PDE7B: variants seen among roughly 807,000 people sequenced by gnomAD.
The protein encoded by PDE7B is 3',5'-cyclic-AMP phosphodiesterase 7B.
Under a neutral mutation model 56.2 loss-of-function variants are expected in PDE7B, and 29 were observed. The ratio of observed to expected loss-of-function variants is 0.52; its 90% CI spans 0.38 to 0.70. The LOEUF is 0.70. Ranked by LOEUF, PDE7B falls within the 30% of genes least tolerant of loss-of-function variation. PDE7B has a pLI of 0.00. For missense variants in PDE7B, 490 were observed against 565.0 expected (o/e 0.87, Z 1.35); for synonymous variants, 197 against 196.9 (o/e 1.00, Z 0.00).
intron 1 of PDE7B, among the ~76,000 whole-genome samples, chr6:135,925,469 T>G (rs536924771): frequency 6.6e-5 from 10 of 152,322 alleles, no homozygotes; most frequent in African/African-American, 2.2e-4. Context: ...AAACTGAGCT[T>G]CTTCTGTTTA....
chr6:136,154,402 A>T (rs1778572327), intron 7 of PDE7B, among the ~76,000 whole-genome samples: 1 of 139,196 alleles, frequency 7.2e-6, no homozygotes, highest in African/African-American at 2.9e-5. Flanking sequence ...TATATTTTTG[A>T]GGCTGTATTT....
intron 3 of PDE7B, among the ~76,000 whole-genome samples, chr6:136,146,757 G>A (rs1445340187): frequency 6.6e-6 from 1 of 152,134 alleles, no homozygotes; most frequent in Non-Finnish European, 1.5e-5. Context: ...AGAAGTGTGT[G>A]AATTTCACTT....
intron 12 of PDE7B, among the ~76,000 whole-genome samples, chr6:136,190,566 GA>G (rs1779206704): frequency 6.6e-6 from 1 of 152,076 alleles, no homozygotes. Flanking sequence ...ACACATCAAG[GA>G]AATACAACAA....
At chr6:135,978,338 A>G (rs1246271820) in intron 2 of PDE7B, among the ~76,000 whole-genome samples, 1 of 152,098 alleles carries the variant, frequency 6.6e-6, no homozygotes, top group East Asian at 1.9e-4. Flanking sequence ...CCGTAAATGG[A>G]GCTTGCAGGA....
rs569026329 is a variant in PDE7B, at chr6:136,079,945, C to T, written c.83-28786C>T. 5.3e-5 allele frequency among the ~76,000 whole-genome samples: 8 copies of T among 152,018 alleles called. No individual in the cohort carries two copies. In the South Asian group the frequency reaches 1.5e-3, roughly 28 times the overall value. On this transcript the variant is annotated intron_variant, in intron 2 of 12. Transcript: ENST00000308191. Reference sequence around the variant, plus strand: ...CTACGTCAGCCTGGGAAAATCACTCCAAATATCAGAAAATAAATAAAACAA... The same window carrying T: ...CTACGTCAGCCTGGGAAAATCACTCTAAATATCAGAAAATAAATAAAACAA...
intron 1 of PDE7B, among the ~76,000 whole-genome samples, chr6:135,942,949 A>G (rs1350503470): frequency 6.6e-6 from 1 of 152,200 alleles, no homozygotes; most frequent in Admixed American, 6.5e-5. Flanking sequence ...GCTATTGTGA[A>G]TAATAGATGC....
At chr6:136,143,684 C>T (rs1486949720) in intron 3 of PDE7B, among the ~76,000 whole-genome samples, 1 of 152,054 alleles carries the variant, frequency 6.6e-6, no homozygotes, top group Non-Finnish European at 1.5e-5. Flanking sequence ...CAGATCTAAA[C>T]TTAATATCTC....
intron 2 of PDE7B, among the ~76,000 whole-genome samples, chr6:135,999,689 G>A (rs555269477): frequency 4.0e-5 from 6 of 151,580 alleles, no homozygotes; most frequent in South Asian, 2.1e-4. Flanking sequence ...TTTATTCCAT[G>A]TCTTTGCTAT....
chr6:136,114,429 A>G (rs144271539), intron 3 of PDE7B, among the ~76,000 whole-genome samples: 2 of 152,214 alleles, frequency 1.3e-5, no homozygotes, highest in Non-Finnish European at 2.9e-5. Flanking sequence ...CATATAAAAC[A>G]CACTCTCGAT....
chr6:135,909,792 T>TG (rs1170165936), intron 1 of PDE7B, among the ~76,000 whole-genome samples: 1 of 152,078 alleles, frequency 6.6e-6, no homozygotes, highest in Non-Finnish European at 1.5e-5. Flanking sequence ...GGTGATAGGG[T>TG]GGGGCCCAGA....
chr6:135,877,846 G>A (rs538060010), intron 1 of PDE7B, among the ~76,000 whole-genome samples: 10 of 152,088 alleles, frequency 6.6e-5, no homozygotes, highest in East Asian at 1.9e-4. Flanking sequence ...AGTGGGAAAC[G>A]GGAAAGAGTG....
intron 1 of PDE7B, among the ~76,000 whole-genome samples, chr6:135,856,942 C>T (rs1307048882): frequency 2.0e-5 from 3 of 151,872 alleles, no homozygotes; most frequent in African/African-American, 7.3e-5. Context: ...TTTGAAGTTC[C>T]TTCCTTTCTG....
At chr6:136,104,070 G>A (rs1777606780) in intron 2 of PDE7B, among the ~76,000 whole-genome samples, 1 of 152,190 alleles carries the variant, frequency 6.6e-6, no homozygotes, top group Non-Finnish European at 1.5e-5. Context: ...AGGGTGAGGG[G>A]CTGTCGTCAG....
rs114223973 is a variant in PDE7B at position 136,153,095 on chromosome 6, G to T, written c.479-980G>T. Among the ~76,000 whole-genome samples the T allele has an allele frequency of 4.2e-3, 641 of 152,324 alleles. 2 individuals are homozygous for T. The highest frequency in any genetic ancestry group is 0.014 in the African/African-American group (596 of 41,586). On this transcript the variant is annotated intron_variant, in intron 6 of 12. Transcript: ENST00000308191. Reference sequence around the variant, plus strand: ...CCAGCCACAACATGGCTAATTTCCAGAAATCCAAATAACCTCAAGCTGATT... The same window carrying T: ...CCAGCCACAACATGGCTAATTTCCATAAATCCAAATAACCTCAAGCTGATT...
intron 3 of PDE7B, among the ~76,000 whole-genome samples, chr6:136,126,157 C>T (rs547852869): frequency 2.0e-5 from 3 of 152,108 alleles, no homozygotes; most frequent in South Asian, 2.1e-4. Context: ...CAGTGCAGAT[C>T]GATACAGGTG....
chr6:136,061,590 C>T (rs1191567632), intron 2 of PDE7B, among the ~76,000 whole-genome samples: 6 of 152,178 alleles, frequency 3.9e-5, no homozygotes, highest in Non-Finnish European at 5.9e-5. Context: ...ACAACAATAC[C>T]TCTCACTGCC....
intron 1 of PDE7B, among the ~76,000 whole-genome samples, chr6:135,923,064 G>C (rs576945787): frequency 2.6e-5 from 4 of 152,250 alleles, no homozygotes; most frequent in Admixed American, 2.0e-4. Flanking sequence ...TGCTTCACTA[G>C]AACTTTCAAG....
Position 136,173,345 on chromosome 6 carries a change from G to A in PDE7B, c.712-452G>A, listed in dbSNP as rs572115623. Among the ~76,000 whole-genome samples the A allele has an allele frequency of 7.5e-4, 114 of 152,074 alleles. 1 individual carries two copies. The South Asian group carries it at 7.7e-3, about 10-fold the overall frequency. ...ACAGAACAGAGCCCTCAGAAATAAC[G>A]CCACATATCTACAACTATCTGATCT... On this transcript the variant is annotated intron_variant, in intron 8 of 12. Transcript: ENST00000308191.
intron 5 of PDE7B, among the ~76,000 whole-genome samples, chr6:136,149,748 C>G (rs1481650124): frequency 6.6e-6 from 1 of 152,182 alleles, no homozygotes; most frequent in Non-Finnish European, 1.5e-5. Context: ...ATATTTTTAT[C>G]TGGCCATTAA....
Sources: gnomAD v4.1 joint callset for allele counts (sites outside exome capture counted in the v4.1 genomes callset) on GRCh38, gnomAD v4.1.1 for gene constraint, MANE v1.5 for transcripts, NCBI Gene and HGNC (gene_info 2026-07-23, HGNC 2026-07-21) for gene names.